RGS12: variants seen among roughly 807,000 people sequenced by gnomAD.
RGS12 encodes the protein regulator of G-protein signaling 12.
Under a neutral mutation model 120.1 loss-of-function variants are expected in RGS12, and 66 were observed. That is an observed-to-expected ratio of 0.55 (90% confidence interval 0.45 to 0.67). The LOEUF (loss-of-function observed/expected upper bound fraction) is 0.67. Among genes scored for constraint, RGS12 ranks in the 30% least tolerant of loss-of-function variants. The pLI is 0.00. For missense variants in RGS12, 1,859 were observed against 1,957.7 expected, an observed-to-expected ratio of 0.95 and a Z score of 0.95; for synonymous variants, 827 against 804.7, an observed-to-expected ratio of 1.03 and a Z score of -0.47.
chr4:3,346,035 A>G (rs1012471690), intron 3 of RGS12, among the ~76,000 whole-genome samples: 2 of 152,142 alleles, frequency 1.3e-5, no homozygotes, highest in Non-Finnish European at 2.9e-5. Context: ...ATGAGCCACC[A>G]TGCCCCGACC....
At chr4:3,432,590 C>T (rs546633332) in intron 17 of RGS12, among the ~76,000 whole-genome samples, 1 of 152,362 alleles carries the variant, frequency 6.6e-6, no homozygotes, top group Non-Finnish European at 1.5e-5. Context: ...GGGCCATTAG[C>T]ACAGAGGTGG....
chr4:3,310,174 G>A (rs1310593858), intron 1 of RGS12, among the ~76,000 whole-genome samples: 3 of 150,382 alleles, frequency 2.0e-5, no homozygotes, highest in Non-Finnish European at 4.4e-5. Flanking sequence ...GAACTGTGTT[G>A]AGGAGGAGCT....
chr4:3,430,710 C>T lies in RGS12; in HGVS notation c.3869C>T (p.Pro1290Leu), dbSNP rs201575073. Residue 1290 changes from proline to leucine, a missense_variant, in exon 17 of 18, where the codon CCC becomes CTC. Pro to Leu is a moderately conservative substitution (Grantham distance 98). This residue lies in a region of RGS12 where 517 missense variants were observed against 488.5 expected (regional missense o/e 1.06). Coordinates refer to ENST00000336727, the MANE Select transcript of RGS12 (RefSeq NM_001394154.1). ...CCTGGACCTCCTGGGACGACCCCCCCCGGGCAGAAGTCTCCCAGCGGGCCC... is the reference window on the plus strand; with the variant it reads ...CCTGGACCTCCTGGGACGACCCCCCTCGGGCAGAAGTCTCCCAGCGGGCCC... ...SPPGPPGTTP[P>L]GQKSPSGPFC... 6 of 1,581,454 alleles carry T rather than the reference C, an allele frequency of 3.8e-6. No homozygotes were observed. Among genetic ancestry groups the T allele is most frequent in the South Asian group, 2.3e-5 (2 of 85,620 alleles).
intron 17 of RGS12, chr4:3,431,290 T>A: frequency 8.6e-7 from 1 of 1,157,178 alleles, no homozygotes; most frequent in Non-Finnish European, 1.1e-6. Flanking sequence ...AATGGAGGCA[T>A]TCCTTTCCAA....
intron 3 of RGS12, among the ~76,000 whole-genome samples, chr4:3,344,370 G>A (rs891023872): frequency 6.6e-6 from 1 of 152,178 alleles, no homozygotes; most frequent in Non-Finnish European, 1.5e-5. Context: ...AGGGGTGTGT[G>A]CTACCTAAGG....
chr4:3,431,384 C>A (rs1390953592), intron 17 of RGS12: 1 of 1,028,424 alleles, frequency 9.7e-7, no homozygotes, highest in Non-Finnish European at 1.2e-6. Flanking sequence ...GTGAAGCCCG[C>A]TGTGTTCATA....
At chr4:3,386,564 C>G in intron 4 of RGS12, 127 bp downstream of exon 4, 1 of 824,368 alleles carries the variant, frequency 1.2e-6, no homozygotes, top group South Asian at 1.6e-5. Flanking sequence ...TCCTTGTGGG[C>G]GGGTTCTAGG....
chr4:3,310,497 G>A (rs947796148), intron 1 of RGS12, among the ~76,000 whole-genome samples: 5 of 152,218 alleles, frequency 3.3e-5, no homozygotes, highest in Admixed American at 6.5e-5. Context: ...CTTTGGCACC[G>A]TGTCCTGCTG....
intron 2 of RGS12, among the ~76,000 whole-genome samples, chr4:3,341,742 G>T (rs1217690668): frequency 2.6e-5 from 1 of 39,128 alleles, no homozygotes. Flanking sequence ...AGAGATGAGG[G>T]TGTGGGGAGG....
intron 13 of RGS12, among the ~76,000 whole-genome samples, chr4:3,425,144 TC>T (rs1434189702): frequency 6.6e-6 from 1 of 152,234 alleles, no homozygotes; most frequent in Non-Finnish European, 1.5e-5. Context: ...CTCTCAGTAT[TC>T]CCCTCATAGC....
intron 16 of RGS12, 81 bp from the exon 17 acceptor site, chr4:3,430,326 A>G (rs897380424): frequency 7.6e-7 from 1 of 1,308,960 alleles, no homozygotes; most frequent in Non-Finnish European, 1.1e-6. Flanking sequence ...CCAGGATGAG[A>G]GCTTTCTAGA....
Position 3,439,659 on chromosome 4 carries a change from G to A in RGS12, c.4319G>A (p.Ser1440Asn). Reference protein sequence around the residue: ...VPGEPAKPKTSAHHATFV With the variant: ...VPGEPAKPKTNAHHATFV ...GGTGAGCCTGCTAAGCCCAAGACCA[G>A]CGCTCACCACGCCACCTTCGTCTGA... Residue 1440 changes from serine to asparagine, a missense_variant, in exon 18 of 18, where the codon AGC becomes AAC. Coordinates refer to ENST00000336727, the MANE Select transcript of RGS12 (RefSeq NM_001394154.1). The A allele has an allele frequency of 6.4e-7, 1 of 1,556,816 alleles. No individual in the cohort carries two copies. Among genetic ancestry groups the A allele is most frequent in the South Asian group, 1.2e-5 (1 of 81,086 alleles).
chr4:3,438,276 C>T (rs1272641102), intron 17 of RGS12, among the ~76,000 whole-genome samples: 1 of 151,998 alleles, frequency 6.6e-6, no homozygotes, highest in African/African-American at 2.4e-5. Flanking sequence ...AAGGGAGCTC[C>T]TGGACCCCTG....
chr4:3,298,300 G>A (rs1161825605), intron 1 of RGS12, among the ~76,000 whole-genome samples: 1 of 152,098 alleles, frequency 6.6e-6, no homozygotes, highest in Non-Finnish European at 1.5e-5. Context: ...GACCTCCTAG[G>A]TTGATCCTCT....
At chr4:3,411,702 G>A (rs555078408) in intron 4 of RGS12, among the ~76,000 whole-genome samples, 19 of 152,392 alleles carry the variant, frequency 1.2e-4, no homozygotes, top group African/African-American at 4.3e-4. Flanking sequence ...GAGAGTGAGT[G>A]TGCAAGTTGA....
chr4:3,344,920 G>C (rs1178763162), intron 3 of RGS12, among the ~76,000 whole-genome samples: 3 of 152,244 alleles, frequency 2.0e-5, no homozygotes, highest in Non-Finnish European at 4.4e-5. Context: ...AGAGGGATCT[G>C]AGCAGCCTTC....
intron 3 of RGS12, among the ~76,000 whole-genome samples, chr4:3,383,469 T>C (rs1718476676): frequency 6.6e-6 from 1 of 151,986 alleles, no homozygotes; most frequent in African/African-American, 2.4e-5. Context: ...TAGCTGAGCA[T>C]GTTGGTGAAC....
intron 3 of RGS12, among the ~76,000 whole-genome samples, chr4:3,380,515 C>T (rs772645485): frequency 3.3e-5 from 5 of 152,212 alleles, no homozygotes; most frequent in African/African-American, 9.6e-5. Context: ...AGGTTCTGCA[C>T]GAGGGCCCCA....
At chr4:3,294,008 C>T (rs545362752) in intron 1 of RGS12, among the ~76,000 whole-genome samples, 1 of 152,280 alleles carries the variant, frequency 6.6e-6, no homozygotes, top group South Asian at 2.1e-4. Context: ...GGGCCCAGAG[C>T]CGTGGAGTGT....
Sources: allele counts gnomAD v4.1 joint callset (sites outside exome capture counted in the v4.1 genomes callset), GRCh38; gene constraint gnomAD v4.1.1; regional missense constraint gnomAD v4.1.1; transcripts MANE v1.5; gene names NCBI Gene and HGNC (gene_info 2026-07-23, HGNC 2026-07-21).